C1S: variants seen among roughly 807,000 people sequenced by gnomAD.
C1S encodes complement C1s.
A neutral mutation model predicts 54.0 loss-of-function variants in C1S; 31 were observed. The observed-to-expected ratio is 0.57, with a 90% CI of 0.43 to 0.78. The LOEUF is 0.78. Among genes scored for constraint, C1S ranks in the 30% least tolerant of loss-of-function variants. The pLI, the probability that C1S is intolerant of heterozygous loss-of-function variation, is 0.00. For synonymous variants in C1S, 292 were observed against 303.6 expected (o/e 0.96, Z 0.40); for missense variants, 727 against 851.8 (o/e 0.85, Z 1.82).
Position 7,065,318 on chromosome 12 carries a change from A to G in C1S, c.717+19A>G, listed in dbSNP as rs1182634723. On this transcript the variant is annotated intron_variant, in intron 6 of 11. Coordinates refer to ENST00000360817, the MANE Select transcript of C1S (RefSeq NM_001734.5). ...TTTAGTTGTGCGTGATGGTTGATTA[A>G]TACCCCACCCTTAACTTACACAGAG... 3.8e-6 allele frequency: 6 copies of G among 1,580,570 alleles called. No homozygotes were observed. Among genetic ancestry groups the G allele is most frequent in the African/African-American group, 1.3e-5 (1 of 74,234 alleles).
chr12:7,065,671 G>A (rs1213542869), intron 6 of C1S, 146 bp from the exon 7 acceptor site: 3 of 762,272 alleles, frequency 3.9e-6, no homozygotes, highest in South Asian at 1.5e-5. Context: ...CACTCAGCCT[G>A]AAGATAAAAT....
At position 7,069,706 on chromosome 12, in the gene C1S, G is replaced by C. The variant is rs1937787140; in HGVS notation, c.1271-149G>C. On this transcript the variant is annotated intron_variant, in intron 11 of 11. Coordinates refer to ENST00000360817, the MANE Select transcript of C1S (RefSeq NM_001734.5). ...TTTAGGTAAGGCCAGAGTGGGTCAG[G>C]TATTGAGATTGTTGACCAAATAGGG... 18 of 759,264 alleles carry C rather than the reference G, an allele frequency of 2.4e-5. 1 individual carries two copies. In the South Asian group the frequency reaches 2.6e-4, roughly 11 times the overall value. The allele number at this position is 759,264 out of a possible 1,614,324, so 47.0% of individuals were successfully genotyped here. A position where few individuals can be genotyped will look rare whatever the true frequency, so the allele number is the denominator to read the frequency against.
intron 6 of C1S, 48 bp from the exon 7 acceptor site, chr12:7,065,769 C>T (rs782153835): frequency 1.3e-6 from 2 of 1,553,514 alleles, no homozygotes; most frequent in South Asian, 1.1e-5. Context: ...CCAATTTTAC[C>T]TCTTCCCTTT....
intron 4 of C1S, 108 bp downstream of exon 4, chr12:7,063,175 A>G: frequency 8.9e-7 from 1 of 1,121,816 alleles, no homozygotes; most frequent in Non-Finnish European, 1.3e-6. Context: ...AATTCTTATA[A>G]AAAGTGTTGA....
chr12:7,067,608 G>C, intron 9 of C1S, 35 bp from the exon 10 acceptor site: 2 of 1,612,502 alleles, frequency 1.2e-6, no homozygotes, highest in Non-Finnish European at 1.7e-6. Context: ...GGAAGTGGCT[G>C]TCCTGACCAT....
At chr12:7,062,281 A>AAAAAG in intron 2 of C1S, 194 bp from the exon 3 acceptor site, 1 of 582,472 alleles carries the variant, frequency 1.7e-6, no homozygotes, top group African/African-American at 1.9e-5. Context: ...AAAAAAAAAA[A>AAAAAG]AAAAAGGGCT....
Position 7,070,751 on chromosome 12 carries a change from A to C in C1S, c.*100A>C. ...TATTTCATCATGACTGAAAGAAGAC[A>C]CGAGCGAATGATTTAAATAGAACTT... On this transcript the variant is annotated 3_prime_UTR_variant, in exon 12 of 12. Transcript: ENST00000360817. This position sits in a 1 kb window ranked among gnomAD's most constrained non-coding sequence, Gnocchi z 4.9. 5.9e-6 allele frequency: 6 copies of C among 1,008,860 alleles called. No individual in the cohort carries two copies. Among genetic ancestry groups the C allele is most frequent in the Non-Finnish European group, 9.4e-6 (6 of 640,314 alleles). The allele number at this position is 1,008,860 out of a possible 1,614,324, so 62.5% of individuals were successfully genotyped here.
At chr12:7,064,702 C>T (rs980718349) in intron 5 of C1S, among the ~76,000 whole-genome samples, 3 of 152,064 alleles carry the variant, frequency 2.0e-5, no homozygotes, top group South Asian at 2.1e-4. Flanking sequence ...CCTCCTCCCA[C>T]GTTGAGTCCC....
In C1S at chr12:7,064,033, CTT is replaced by C. The variant is rs386759973; in HGVS notation, c.392-233_392-232del. The C allele has an allele frequency of 8.9e-3, 5,166 of 579,030 alleles. 118 individuals are homozygous for C. Among genetic ancestry groups the C allele is most frequent in the African/African-American group, 0.052 (2,792 of 53,720 alleles). 35.9% of individuals were successfully genotyped at this position (579,030 alleles called of 1,614,324 possible). ...TCGGTGACAGAGTGAGGCTATGTCACTTACACACACACACCCCCGAGCTTCCT... is the reference window on the plus strand; with the variant it reads ...TCGGTGACAGAGTGAGGCTATGTCACACACACACACACCCCCGAGCTTCCT... On this transcript the variant is annotated intron_variant, in intron 4 of 11. Coordinates refer to ENST00000360817, the MANE Select transcript of C1S (RefSeq NM_001734.5).
chr12:7,066,331 C>A (rs1555162211), intron 7 of C1S, 187 bp from the exon 8 acceptor site: 2 of 669,252 alleles, frequency 3.0e-6, no homozygotes, highest in South Asian at 1.7e-5. Flanking sequence ...CCTGAGACTG[C>A]AGACAGCTTG....
chr12:7,066,646 C>G lies in C1S; in HGVS notation c.987+13C>G. On this transcript the variant is annotated intron_variant, in intron 8 of 11. Coordinates refer to ENST00000360817, the MANE Select transcript of C1S (RefSeq NM_001734.5). ...TGAAGTTGTGGAGGTAAAGTACCACCTTGGCTTCTCCCCAGTCCCTGGCCC... is the reference window on the plus strand; with the variant it reads ...TGAAGTTGTGGAGGTAAAGTACCACGTTGGCTTCTCCCCAGTCCCTGGCCC... 1 of 1,487,328 alleles carries G rather than the reference C, an allele frequency of 6.7e-7. No individual in the cohort carries two copies. The highest frequency in any genetic ancestry group is 9.4e-7 in the Non-Finnish European group (1 of 1,064,050). 92.1% of individuals were successfully genotyped at this position (1,487,328 alleles called of 1,614,324 possible).
At chr12:7,068,656 G>A in intron 11 of C1S, 126 bp downstream of exon 11, 1 of 736,388 alleles carries the variant, frequency 1.4e-6, no homozygotes, top group South Asian at 1.6e-5. Context: ...GCTCAGTGAG[G>A]TGGCAGTATC....
intron 1 of C1S, chr12:7,061,554 T>C: frequency 2.6e-6 from 1 of 380,986 alleles, no homozygotes; most frequent in Non-Finnish European, 5.0e-6. Flanking sequence ...TGGAGGACAA[T>C]AGAGGAAGAA....
chr12:7,068,389 C>T (rs1349621057), intron 10 of C1S, 67 bp from the exon 11 acceptor site: 11 of 1,157,630 alleles, frequency 9.5e-6, no homozygotes, highest in South Asian at 2.5e-5. Flanking sequence ...GTGTTGGGGT[C>T]GGAGGGGGGA....
At chr12:7,065,327 C>A in intron 6 of C1S, 28 bp downstream of exon 6, 2 of 1,538,882 alleles carry the variant, frequency 1.3e-6, no homozygotes, top group East Asian at 2.2e-5. Context: ...AATACCCCAC[C>A]CTTAACTTAC....
intron 7 of C1S, 124 bp from the exon 8 acceptor site, chr12:7,066,394 T>C: frequency 4.2e-6 from 3 of 720,352 alleles, no homozygotes; most frequent in South Asian, 1.5e-5. Flanking sequence ...TGTATTGGAA[T>C]GTTAAGCATC....
At chr12:7,063,210 C>A in intron 4 of C1S, 143 bp downstream of exon 4, 2 of 746,396 alleles carry the variant, frequency 2.7e-6, no homozygotes, top group South Asian at 1.7e-5. Context: ...CTCCATAAAT[C>A]ACTTTTGTGA....
chr12:7,066,056 C>T, intron 7 of C1S, 86 bp downstream of exon 7: 1 of 1,191,102 alleles, frequency 8.4e-7, no homozygotes. Context: ...GATCCAGGCA[C>T]ACTGGAAGCA....
intron 11 of C1S, among the ~76,000 whole-genome samples, chr12:7,069,074 G>A (rs1937760397): frequency 6.6e-6 from 1 of 152,152 alleles, no homozygotes; most frequent in Non-Finnish European, 1.5e-5. Flanking sequence ...CTGTGAGCTA[G>A]GTGTCATTGG....
Sources: allele counts gnomAD v4.1 joint callset (sites outside exome capture counted in the v4.1 genomes callset), GRCh38; gene constraint gnomAD v4.1.1; non-coding constraint Gnocchi (gnomAD v3.1); transcripts MANE v1.5; gene names NCBI Gene and HGNC (gene_info 2026-07-23, HGNC 2026-07-21).